HTR4: variants seen among roughly 807,000 people sequenced by gnomAD.
HTR4 encodes the protein 5-hydroxytryptamine receptor 4, also known as 5-hydroxytryptamine (serotonin) receptor 4, G protein-coupled.
HTR4 carries 16 observed loss-of-function variants against 36.8 expected under a neutral mutation model. That is an observed-to-expected ratio of 0.43 (90% CI 0.29 to 0.66). The LOEUF (loss-of-function observed/expected upper bound fraction) is 0.66. Ranked by LOEUF, HTR4 falls within the 30% of genes least tolerant of loss-of-function variation. The pLI is 0.13. For missense variants in HTR4, 438 were observed against 490.9 expected (o/e 0.89, Z 1.02); for synonymous variants, 189 against 185.1 (o/e 1.02, Z -0.17).
intron 5 of HTR4, among the ~76,000 whole-genome samples, chr5:148,468,836 C>T (rs116249060): frequency 0.018 from 2,797 of 152,148 alleles, 89 homozygotes; most frequent in African/African-American, 0.063. Flanking sequence ...GAAGCAGTTA[C>T]CCCCATGCTG....
chr5:148,484,296 C>T, intron 6 of HTR4: 10 of 1,613,622 alleles, frequency 6.2e-6, no homozygotes, highest in Non-Finnish European at 7.6e-6. Flanking sequence ...ACATCTAATG[C>T]TCAATGTGCC....
chr5:148,560,930 T>G (rs1052695009), intron 2 of HTR4, among the ~76,000 whole-genome samples: 1 of 152,204 alleles, frequency 6.6e-6, no homozygotes, highest in African/African-American at 2.4e-5. Flanking sequence ...ATACTGATGA[T>G]GACAGCTTAA....
chr5:148,488,098 A>G (rs1756249247), intron 6 of HTR4, among the ~76,000 whole-genome samples: 1 of 152,210 alleles, frequency 6.6e-6, no homozygotes, highest in Admixed American at 6.5e-5. Context: ...TGAGGCACAT[A>G]GATTTGTAAT....
chr5:148,549,697 C>T (rs1031185989), intron 3 of HTR4, among the ~76,000 whole-genome samples: 1 of 152,194 alleles, frequency 6.6e-6, no homozygotes, highest in East Asian at 1.9e-4. Flanking sequence ...ACTAATACCA[C>T]ACGATGATAG....
intron 5 of HTR4, among the ~76,000 whole-genome samples, chr5:148,467,771 C>A (rs191591657): frequency 6.6e-6 from 1 of 152,310 alleles, no homozygotes; most frequent in Admixed American, 6.5e-5. Context: ...GCTCGAATGA[C>A]CATGTAAAAC....
intron 2 of HTR4, among the ~76,000 whole-genome samples, chr5:148,560,413 T>C (rs1328068720): frequency 1.3e-5 from 2 of 152,154 alleles, no homozygotes; most frequent in African/African-American, 4.8e-5. Context: ...TTTACATTTT[T>C]AGCAAGTTCC....
At chr5:148,562,740 A>G (rs908819764) in intron 2 of HTR4, among the ~76,000 whole-genome samples, 1 of 152,088 alleles carries the variant, frequency 6.6e-6, no homozygotes, top group Non-Finnish European at 1.5e-5. Flanking sequence ...TAGCAAATCT[A>G]TTTCTCCAGT....
downstream of HTR4, among the ~76,000 whole-genome samples, chr5:148,474,054 G>A (rs1246888740): frequency 6.6e-6 from 1 of 152,038 alleles, no homozygotes; most frequent in Non-Finnish European, 1.5e-5. Flanking sequence ...GCAATAATAA[G>A]AGTGACCCTG....
At chr5:148,610,565 C>G (rs1453260098) in intron 2 of HTR4, among the ~76,000 whole-genome samples, 3 of 151,936 alleles carry the variant, frequency 2.0e-5, no homozygotes, top group East Asian at 1.9e-4. Context: ...GATAAAACCA[C>G]AAAGATGGGG....
At chr5:148,636,151 G>A in intron 2 of HTR4, among the ~76,000 whole-genome samples, 1 of 152,106 alleles carries the variant, frequency 6.6e-6, no homozygotes, top group East Asian at 1.9e-4. Context: ...TTACACTAGA[G>A]TTTCTGTCAA....
chr5:148,510,915 G>C (rs931641634), intron 5 of HTR4, among the ~76,000 whole-genome samples: 2 of 152,188 alleles, frequency 1.3e-5, no homozygotes, highest in Non-Finnish European at 2.9e-5. Flanking sequence ...TGGAAGAAAA[G>C]AATATAAAGA....
At chr5:148,505,071 G>A (rs1283203833) in intron 6 of HTR4, among the ~76,000 whole-genome samples, 1 of 152,004 alleles carries the variant, frequency 6.6e-6, no homozygotes, top group Non-Finnish European at 1.5e-5. Context: ...GGTACAAGGA[G>A]GAGCTGGTAC....
At chr5:148,565,939 T>C (rs901639607) in intron 2 of HTR4, among the ~76,000 whole-genome samples, 1 of 152,178 alleles carries the variant, frequency 6.6e-6, no homozygotes, top group African/African-American at 2.4e-5. Context: ...TTGCAGTACT[T>C]GTCAATGCAT....
At chr5:148,540,626 T>A (rs1013295907) in intron 4 of HTR4, among the ~76,000 whole-genome samples, 2 of 151,686 alleles carry the variant, frequency 1.3e-5, no homozygotes, top group African/African-American at 4.8e-5. Flanking sequence ...TGGAAGAGGA[T>A]ATAGTATTAG....
chr5:148,508,851 T>C (rs140916402), intron 6 of HTR4, among the ~76,000 whole-genome samples: 1 of 152,160 alleles, frequency 6.6e-6, no homozygotes, highest in Admixed American at 6.5e-5. Flanking sequence ...CTGTATGTCA[T>C]GCCCTATATG....
chr5:148,645,295 G>C (rs993006000), intron 1 of HTR4: 7 of 152,150 alleles, frequency 4.6e-5, no homozygotes, highest in African/African-American at 1.7e-4. Flanking sequence ...ACTCTGCTGT[G>C]TAGTATGAAA....
At chr5:148,639,946 A>T (rs1753672736) in intron 1 of HTR4, among the ~76,000 whole-genome samples, 1 of 152,108 alleles carries the variant, frequency 6.6e-6, no homozygotes, top group African/African-American at 2.4e-5. Flanking sequence ...GCCCTTTACT[A>T]CGTGTTAATA....
intron 4 of HTR4, among the ~76,000 whole-genome samples, chr5:148,545,769 A>G (rs1179600476): frequency 1.3e-5 from 2 of 152,178 alleles, no homozygotes; most frequent in African/African-American, 4.8e-5. Context: ...AGCTGGGGAC[A>G]TGGACAGGAA....
At chr5:148,474,131 C>A (rs898615732), downstream of HTR4, among the ~76,000 whole-genome samples, 1 of 152,162 alleles carries the variant, frequency 6.6e-6, no homozygotes, top group African/African-American at 2.4e-5. Context: ...CACTCTCTAG[C>A]TGGCTGGGAC....
Sources: allele counts gnomAD v4.1 joint callset (sites outside exome capture counted in the v4.1 genomes callset), GRCh38; gene constraint gnomAD v4.1.1; transcripts MANE v1.5; gene names NCBI Gene and HGNC (gene_info 2026-07-23, HGNC 2026-07-21).